Variants in PLXNA4 observed in about 807,000 individuals in gnomAD.
The protein encoded by PLXNA4 is plexin A4.
PLXNA4 carries 44 observed loss-of-function variants against 191.8 expected under a neutral mutation model. That is an observed-to-expected ratio of 0.23 (90% CI 0.18 to 0.29). The LOEUF is 0.29. Ranked by LOEUF, PLXNA4 falls within the 10% of genes least tolerant of loss-of-function variation. PLXNA4 has a pLI of 1.00. For synonymous variants in PLXNA4, 1,082 were observed against 1,009.5 expected, an observed-to-expected ratio of 1.07 and a Z score of -1.36; for missense variants, 1,800 against 2,488.8, an observed-to-expected ratio of 0.72 and a Z score of 5.89.
At chr7:132,480,692 G>A (rs547272926) in intron 3 of PLXNA4, among the ~76,000 whole-genome samples, 10 of 152,296 alleles carry the variant, frequency 6.6e-5, no homozygotes, top group Admixed American at 6.5e-5. Flanking sequence ...GCAGGCCAGG[G>A]GTAAGTGGAA....
intron 3 of PLXNA4, among the ~76,000 whole-genome samples, chr7:132,393,117 G>T (rs912854643): frequency 1.3e-5 from 2 of 150,054 alleles, no homozygotes; most frequent in Non-Finnish European, 3.0e-5. Context: ...CATCCTTTTC[G>T]CTGGAAATGT....
At chr7:132,410,525 T>C (rs1173836889) in intron 3 of PLXNA4, among the ~76,000 whole-genome samples, 1 of 152,150 alleles carries the variant, frequency 6.6e-6, no homozygotes, top group Admixed American at 6.6e-5. Context: ...AGTGAGGAGA[T>C]CTGACAGGAT....
In PLXNA4 at chr7:132,145,798, C is replaced by T. The variant is rs549202682; in HGVS notation, c.5056-510G>A. On this transcript the variant is annotated intron_variant, in intron 28 of 31. Coordinates refer to ENST00000321063, the MANE Select transcript of PLXNA4 (RefSeq NM_020911.2). ...TAGAAATGGTGCCGGAGGCCAGACA[C>T]GGTGGCTCATGCCTGTAATCCCAAC... Among the ~76,000 whole-genome samples the T allele has an allele frequency of 2.0e-5, 3 of 151,500 alleles. No individual in the cohort carries two copies. The South Asian group carries it at 6.3e-4, about 32-fold the overall frequency.
At chr7:132,440,476 T>C (rs1041886565) in intron 3 of PLXNA4, among the ~76,000 whole-genome samples, 1 of 152,214 alleles carries the variant, frequency 6.6e-6, no homozygotes, top group Non-Finnish European at 1.5e-5. Flanking sequence ...TGGCAGAGGA[T>C]AGCAATTTCA....
At chr7:132,278,767 C>A (rs1053372094) in intron 4 of PLXNA4, among the ~76,000 whole-genome samples, 2 of 152,210 alleles carry the variant, frequency 1.3e-5, no homozygotes, top group African/African-American at 4.8e-5. Context: ...ACAGTGAATG[C>A]AGCAGAATCT....
At chr7:132,172,781 T>TAATA (rs1290346387) in intron 21 of PLXNA4, among the ~76,000 whole-genome samples, 11 of 150,148 alleles carry the variant, frequency 7.3e-5, no homozygotes, top group South Asian at 2.1e-4. Flanking sequence ...ATAATAATAA[T>TAATA]AAAGTTACAT....
chr7:132,197,821 T>C (rs569797888), intron 13 of PLXNA4, among the ~76,000 whole-genome samples: 1 of 152,232 alleles, frequency 6.6e-6, no homozygotes, highest in East Asian at 1.9e-4. Context: ...ACAGCACAAG[T>C]GACAAGATTT....
chr7:132,635,326 A>G (rs1310620339), intron 2 of PLXNA4, among the ~76,000 whole-genome samples: 1 of 151,848 alleles, frequency 6.6e-6, no homozygotes, highest in Non-Finnish European at 1.5e-5. Flanking sequence ...TTGCACTCTC[A>G]ATGCCAGCAC....
Position 132,146,680 on chromosome 7 carries a change from C to T in PLXNA4, c.4885G>A (p.Gly1629Ser). ...CGTGAGCGGAGGCTGTCGGGGCTGC[C>T]CGTGTACCGGATCATGTTTTCTGCC... ...SKYENMIRYT[G>S]SPDSLRSRTP... is the part of the protein sequence containing the mutation. The change falls in exon 28 of 32, where the codon GGC (glycine) becomes AGC (serine). Residue 1629 changes from glycine to serine, a missense_variant. By Grantham distance (56) the Gly-to-Ser change is moderately conservative. Coordinates refer to ENST00000321063, the MANE Select transcript of PLXNA4 (RefSeq NM_020911.2). The T allele has an allele frequency of 6.2e-7, 1 of 1,614,168 alleles. No individual in the cohort carries two copies. The highest frequency in any genetic ancestry group is 8.5e-7 in the Non-Finnish European group (1 of 1,180,012).
At chr7:132,498,511 G>A (rs1798120077) in intron 2 of PLXNA4, among the ~76,000 whole-genome samples, 1 of 152,140 alleles carries the variant, frequency 6.6e-6, no homozygotes, top group Non-Finnish European at 1.5e-5. Context: ...GCACAGGAAA[G>A]TCCTGCCCCC....
At chr7:132,402,436 T>G (rs903458537) in intron 3 of PLXNA4, among the ~76,000 whole-genome samples, 1 of 152,182 alleles carries the variant, frequency 6.6e-6, no homozygotes, top group Non-Finnish European at 1.5e-5. Flanking sequence ...TTTAAGATAC[T>G]CAAGTCCAAG....
intron 3 of PLXNA4, among the ~76,000 whole-genome samples, chr7:132,309,897 A>G (rs1197227550): frequency 2.0e-5 from 3 of 152,150 alleles, no homozygotes; most frequent in African/African-American, 7.2e-5. Context: ...CTGCACTAGC[A>G]AAGGGGGACT....
At chr7:132,510,755 G>A (rs1246600555) in intron 1 of PLXNA4, among the ~76,000 whole-genome samples, 2 of 152,202 alleles carry the variant, frequency 1.3e-5, no homozygotes, top group African/African-American at 2.4e-5. Context: ...AGAGCACGAA[G>A]GGAAAGACCT....
At chr7:132,452,122 G>A (rs77857861) in intron 3 of PLXNA4, among the ~76,000 whole-genome samples, 3,319 of 152,318 alleles carry the variant, frequency 0.022, 115 homozygotes, top group African/African-American at 0.075. Context: ...TTAGCCATGG[G>A]AGTCAGAGTA....
chr7:132,543,850 G>T lies in PLXNA4; in HGVS notation c.-87+32572C>A, dbSNP rs74458315. ...GGGGCATGAGACCAAAATCAGGAAG[G>T]AGAGTTGACTCCTTTTATCAAACTT... On this transcript the variant is annotated intron_variant, in intron 1 of 31. Transcript: ENST00000321063. 6.9e-3 allele frequency among the ~76,000 whole-genome samples: 1,051 copies of T among 152,320 alleles called. 13 individuals carry two copies. Among genetic ancestry groups the T allele is most frequent in the African/African-American group, 0.024 (998 of 41,594 alleles).
At chr7:132,178,026 T>C (rs1796534696) in intron 20 of PLXNA4, among the ~76,000 whole-genome samples, 1 of 152,130 alleles carries the variant, frequency 6.6e-6, no homozygotes, top group Non-Finnish European at 1.5e-5. Context: ...CAAAATGATA[T>C]CCTGGGGGTT....
intron 25 of PLXNA4, 73 bp downstream of exon 25, chr7:132,159,400 C>T (rs1795883292): frequency 1.9e-6 from 3 of 1,580,094 alleles, no homozygotes; most frequent in East Asian, 4.5e-5. Flanking sequence ...AGCCCTGCCT[C>T]TGCTGACAGG....
intron 2 of PLXNA4, among the ~76,000 whole-genome samples, chr7:132,585,485 C>T (rs567897514): frequency 2.0e-5 from 3 of 152,216 alleles, no homozygotes; most frequent in African/African-American, 7.2e-5. Context: ...GCCTGGCCCC[C>T]AAAGTGACCA....
At position 132,471,849 on chromosome 7, in the gene PLXNA4, C is replaced by T. The variant is rs560354473; in HGVS notation, c.1371+17443G>A. 7.2e-5 allele frequency among the ~76,000 whole-genome samples: 11 copies of T among 152,306 alleles called. No homozygotes were observed. In the East Asian group the frequency reaches 1.2e-3, roughly 16 times the overall value. ...AACAGTACACGCAAGAACAAACAAG[C>T]AGGGCCACGGCCTTTCTTACTGGAA... On this transcript the variant is annotated intron_variant, in intron 3 of 31. Coordinates refer to ENST00000321063, the MANE Select transcript of PLXNA4 (RefSeq NM_020911.2).
Sources: gnomAD v4.1 joint callset for allele counts (sites outside exome capture counted in the v4.1 genomes callset) on GRCh38, gnomAD v4.1.1 for gene constraint, MANE v1.5 for transcripts, NCBI Gene and HGNC (gene_info 2026-07-23, HGNC 2026-07-21) for gene names.